Variants in KAZN observed in about 807,000 individuals in gnomAD.
KAZN encodes kazrin, periplakin interacting protein.
Under a neutral mutation model 87.4 loss-of-function variants are expected in KAZN, and 40 were observed. The ratio of observed to expected loss-of-function variants is 0.46; its 90% CI spans 0.36 to 0.60. The LOEUF (loss-of-function observed/expected upper bound fraction) is 0.60. Ranked by LOEUF, KAZN falls within the 20% of genes least tolerant of loss-of-function variation. The pLI is 0.00. For missense variants in KAZN, 898 were observed against 1,073.9 expected (o/e 0.84, Z 2.29); for synonymous variants, 466 against 458.3 (o/e 1.02, Z -0.22).
intron 2 of KAZN, among the ~76,000 whole-genome samples, chr1:15,033,424 G>C (rs1671936390): frequency 2.0e-5 from 3 of 152,180 alleles, no homozygotes; most frequent in African/African-American, 7.2e-5. Context: ...ATAGCTCTTG[G>C]ATGTATGCCT....
chr1:13,929,307 AT>A (rs1467199109), intron 1 of KAZN, among the ~76,000 whole-genome samples: 3 of 152,090 alleles, frequency 2.0e-5, no homozygotes, highest in Non-Finnish European at 4.4e-5. Flanking sequence ...ACGTGTCTTG[AT>A]TTAATCCAGT....
At chr1:14,891,476 G>A (rs370847854) in intron 1 of KAZN, among the ~76,000 whole-genome samples, 17 of 152,274 alleles carry the variant, frequency 1.1e-4, no homozygotes, top group African/African-American at 3.4e-4. Flanking sequence ...AGGTTGCTGC[G>A]AATGCCATTA....
At chr1:15,015,545 G>A (rs967480717) in intron 2 of KAZN, among the ~76,000 whole-genome samples, 1 of 152,186 alleles carries the variant, frequency 6.6e-6, no homozygotes, top group African/African-American at 2.4e-5. Flanking sequence ...CGGGTGAAGA[G>A]TGGTCCTGAG....
intron 2 of KAZN, among the ~76,000 whole-genome samples, chr1:14,469,214 G>A (rs533077405): frequency 3.0e-4 from 45 of 151,408 alleles, no homozygotes; most frequent in Non-Finnish European, 5.0e-4. Context: ...TGTGTGTCAC[G>A]CAGGTAAAAA....
intron 1 of KAZN, among the ~76,000 whole-genome samples, chr1:13,912,152 C>T (rs974951771): frequency 2.6e-5 from 4 of 152,160 alleles, no homozygotes; most frequent in African/African-American, 9.7e-5. Context: ...GGCAGCTTCC[C>T]AGCCGAGCAC....
intron 2 of KAZN, among the ~76,000 whole-genome samples, chr1:14,508,209 C>G (rs12089899): frequency 6.6e-6 from 1 of 152,104 alleles, no homozygotes; most frequent in Non-Finnish European, 1.5e-5. Flanking sequence ...TAGGTATGTT[C>G]GTGCAAAGCC....
At chr1:13,946,381 A>G (rs758436309) in intron 1 of KAZN, among the ~76,000 whole-genome samples, 5 of 152,130 alleles carry the variant, frequency 3.3e-5, no homozygotes, top group Non-Finnish European at 7.4e-5. Context: ...TATCCATGTG[A>G]CCTGGGACAA....
chr1:14,928,431 A>G (rs919293812), intron 1 of KAZN, among the ~76,000 whole-genome samples: 13 of 150,464 alleles, frequency 8.6e-5, no homozygotes, highest in Non-Finnish European at 1.6e-4. Flanking sequence ...CCTGGGCGAC[A>G]GAGCGAGACT....
At chr1:14,102,788 T>C (rs1459308310) in intron 1 of KAZN, among the ~76,000 whole-genome samples, 1 of 152,148 alleles carries the variant, frequency 6.6e-6, no homozygotes, top group Non-Finnish European at 1.5e-5. Flanking sequence ...GTTTACCTTC[T>C]CACAGTCCTG....
At chr1:14,308,057 T>A (rs1046876940) in intron 2 of KAZN, among the ~76,000 whole-genome samples, 2 of 152,174 alleles carry the variant, frequency 1.3e-5, no homozygotes, top group African/African-American at 4.8e-5. Context: ...AAAACTGGCC[T>A]GTGTTCTTTA....
chr1:14,586,612 C>T (rs1486694633), intron 2 of KAZN, among the ~76,000 whole-genome samples: 1 of 150,098 alleles, frequency 6.7e-6, no homozygotes, highest in Non-Finnish European at 1.5e-5. Flanking sequence ...CTCACTGAAG[C>T]CTCAAACTCC....
At chr1:14,659,949 C>T (rs1284094589) in intron 1 of KAZN, among the ~76,000 whole-genome samples, 1 of 151,856 alleles carries the variant, frequency 6.6e-6, no homozygotes, top group Non-Finnish European at 1.5e-5. Flanking sequence ...TTACTGTACA[C>T]TAGAAAGGTT....
intron 1 of KAZN, among the ~76,000 whole-genome samples, chr1:14,736,109 A>ACAGC (rs1478086580): frequency 6.6e-6 from 1 of 152,148 alleles, no homozygotes; most frequent in East Asian, 1.9e-4. Flanking sequence ...GAAGTTCCCC[A>ACAGC]CAGCCTCCAG....
At position 14,184,463 on chromosome 1, in the gene KAZN, T is replaced by C. The variant is rs541398560; in HGVS notation, c.249+3871T>C. On this transcript the variant is annotated intron_variant, in intron 2 of 16. Transcript: ENST00000636203. The surrounding 1 kb of genome is among the most constrained non-coding windows in gnomAD (Gnocchi z 4.2). The stretch of plus-strand genomic sequence containing the variant: ...TTTCTGTTATTTGTGTTCGGGGAAC[T>C]GGAAAGCACATTTGCCAAAAGCCTA... Among the ~76,000 whole-genome samples the C allele has an allele frequency of 6.6e-6, 1 of 152,286 alleles. No homozygotes were observed. The highest frequency in any genetic ancestry group is 2.1e-4 in the South Asian group (1 of 4,830).
At chr1:14,418,147 G>A (rs1477295333) in intron 2 of KAZN, among the ~76,000 whole-genome samples, 3 of 151,186 alleles carry the variant, frequency 2.0e-5, no homozygotes, top group South Asian at 2.1e-4. Flanking sequence ...GTCCAATGGA[G>A]GCAAGAATTT....
chr1:14,138,562 G>T (rs1645160254), intron 1 of KAZN, among the ~76,000 whole-genome samples: 1 of 152,108 alleles, frequency 6.6e-6, no homozygotes, highest in South Asian at 2.1e-4. Flanking sequence ...GAGCCCCCAC[G>T]AGATCGTCCT....
At chr1:13,961,924 C>A (rs1641767717) in intron 1 of KAZN, among the ~76,000 whole-genome samples, 1 of 152,182 alleles carries the variant, frequency 6.6e-6, no homozygotes, top group Non-Finnish European at 1.5e-5. Flanking sequence ...GTGGCCCTGC[C>A]CTCTTGCACC....
chr1:14,694,321 G>A (rs541416400), intron 1 of KAZN, among the ~76,000 whole-genome samples: 2 of 152,218 alleles, frequency 1.3e-5, no homozygotes, highest in African/African-American at 2.4e-5. Context: ...TTGGAATGTC[G>A]AGAAAAGGAA....
chr1:14,028,611 G>A (rs537657947), intron 1 of KAZN, among the ~76,000 whole-genome samples: 1 of 152,130 alleles, frequency 6.6e-6, no homozygotes, highest in African/African-American at 2.4e-5. Flanking sequence ...ATCAATACAG[G>A]TTTATCATTT....
Sources: allele counts gnomAD v4.1 joint callset (sites outside exome capture counted in the v4.1 genomes callset), GRCh38; gene constraint gnomAD v4.1.1; non-coding constraint Gnocchi (gnomAD v3.1); transcripts MANE v1.5; gene names NCBI Gene and HGNC (gene_info 2026-07-23, HGNC 2026-07-21).